Variants in PEPD observed in about 807,000 individuals in gnomAD.
The protein encoded by PEPD is xaa-Pro dipeptidase.
Under a neutral mutation model 60.7 loss-of-function variants are expected in PEPD, and 53 were observed. The ratio of observed to expected loss-of-function variants is 0.87; its 90% CI spans 0.70 to 1.10. The LOEUF (loss-of-function observed/expected upper bound fraction) is 1.10. Among genes scored for constraint, PEPD ranks in the 50% least tolerant of loss-of-function variants. The probability of loss-of-function intolerance (pLI) is 0.00; values close to 1 mark genes in which losing one functional copy is unlikely to be tolerated. For missense variants in PEPD, 711 were observed against 711.9 expected (o/e 1.00, Z 0.01); for synonymous variants, 267 against 284.1 (o/e 0.94, Z 0.60).
Position 33,490,051 on chromosome 19 carries a change from C to A in PEPD, c.448G>T (p.Val150Phe), listed in dbSNP as rs755007246. 6.2e-7 allele frequency: 1 copy of A among 1,611,478 alleles called. No individual in the cohort carries two copies. Among genetic ancestry groups the A allele is most frequent in the African/African-American group, 1.3e-5 (1 of 74,884 alleles). Residue 150 changes from valine (V) to phenylalanine (F), a missense_variant, in exon 6 of 15, where the codon GTC becomes TTC. Coordinates refer to ENST00000244137, the MANE Select transcript of PEPD (RefSeq NM_000285.4). ...CAGACACTGCCGCTGTCCGTGTTGACGCCACGCTGGGGAGAGAGAACACAG... is the reference window on the plus strand; with the variant it reads ...CAGACACTGCCGCTGTCCGTGTTGAAGCCACGCTGGGGAGAGAGAACACAG... Reference protein sequence around the residue: ...KPSVLLTLRGVNTDSGSVCRE... With the variant: ...KPSVLLTLRGFNTDSGSVCRE...
At chr19:33,502,515 A>AC (rs942382841) in intron 3 of PEPD, among the ~76,000 whole-genome samples, 2 of 151,512 alleles carry the variant, frequency 1.3e-5, no homozygotes, top group Middle Eastern at 3.4e-3. Context: ...CCCTTTGCAA[A>AC]CCCCCCCTTT....
chr19:33,479,710 C>T (rs1338702876), intron 6 of PEPD, among the ~76,000 whole-genome samples: 1 of 152,164 alleles, frequency 6.6e-6, no homozygotes, highest in Non-Finnish European at 1.5e-5. Flanking sequence ...CTGAGGATAA[C>T]AGCCTCCAGC....
In PEPD at chr19:33,463,005, C is replaced by A; in HGVS notation, c.661G>T (p.Glu221Ter). Reference sequence around the variant, plus strand: ...AACATGGTGGCTTACCTTTCCAACTCATATTCTTTCATTCCCACTTTTACA... The same window carrying A: ...AACATGGTGGCTTACCTTTCCAACTAATATTCTTTCATTCCCACTTTTACA... ...KAVKVGMKEY[E>*]LESLFEHYCY... The change falls in exon 9 of 15, where the codon GAG (glutamate) becomes TAG (stop). Residue 221 changes from glutamate (E) to a stop codon, truncating the protein, a stop_gained. Transcript: ENST00000244137. LOFTEE classifies it high-confidence loss of function. The A allele has an allele frequency of 6.3e-7, 1 of 1,597,310 alleles. No homozygotes were observed. Among genetic ancestry groups the A allele is most frequent in the Non-Finnish European group, 8.6e-7 (1 of 1,164,658 alleles).
intron 9 of PEPD, among the ~76,000 whole-genome samples, chr19:33,434,535 C>T (rs1969337917): frequency 6.6e-6 from 1 of 152,080 alleles, no homozygotes; most frequent in African/African-American, 2.4e-5. Flanking sequence ...CTCCACTGCA[C>T]CATCCCTGGC....
At chr19:33,503,252 G>A (rs560074291) in intron 3 of PEPD, among the ~76,000 whole-genome samples, 4 of 152,346 alleles carry the variant, frequency 2.6e-5, no homozygotes, top group Admixed American at 6.5e-5. Flanking sequence ...GAGGGCCCGG[G>A]AGACGCTGGT....
chr19:33,462,923 G>A (rs1289812495), intron 9 of PEPD, 72 bp downstream of exon 9: 2 of 914,570 alleles, frequency 2.2e-6, no homozygotes, highest in African/African-American at 3.2e-5. Context: ...CGTCTCATCT[G>A]TTACTCACTC....
At position 33,387,177 on chromosome 19, in the gene PEPD, G is replaced by T. The variant is rs963708685; in HGVS notation, c.*167C>A. 8 of 721,504 alleles carry T rather than the reference G, an allele frequency of 1.1e-5. No individual in the cohort carries two copies. The highest frequency in any genetic ancestry group is 1.8e-5 in the Non-Finnish European group (8 of 434,736). 44.7% of individuals were successfully genotyped at this position (721,504 alleles called of 1,614,324 possible). A position where few individuals can be genotyped will look rare whatever the true frequency, so the allele number is the denominator to read the frequency against. On this transcript the variant is annotated 3_prime_UTR_variant, in exon 15 of 15. Transcript: ENST00000244137. ...AGCCTGCAAAAGGGTAATTAAAAAA[G>T]TGTTTCCTCCCCGGGAAACAGCACT...
rs1279487088 is a variant in PEPD at position 33,413,568 on chromosome 19, C to T, written c.740+7G>A. ...CACCCCCAGGGGAGCCAGGGTGCCCCGCTTACCTGCCGCAGATGCAGGTGT... is the reference window on the plus strand; with the variant it reads ...CACCCCCAGGGGAGCCAGGGTGCCCTGCTTACCTGCCGCAGATGCAGGTGT... On this transcript the variant is annotated splice_region_variant and intron_variant, in intron 10 of 14. Coordinates refer to ENST00000244137, the MANE Select transcript of PEPD (RefSeq NM_000285.4). The T allele has an allele frequency of 1.4e-5, 21 of 1,549,308 alleles. No homozygotes were observed. Among genetic ancestry groups the T allele is most frequent in the South Asian group, 2.4e-5 (2 of 84,762 alleles).
At chr19:33,438,574 G>A (rs550720862) in intron 9 of PEPD, among the ~76,000 whole-genome samples, 24 of 152,318 alleles carry the variant, frequency 1.6e-4, no homozygotes, top group Non-Finnish European at 2.6e-4. Context: ...GATGGGGGGC[G>A]GGCAGGGTTC....
chr19:33,423,496 G>A (rs1969078601), intron 9 of PEPD, among the ~76,000 whole-genome samples: 1 of 152,212 alleles, frequency 6.6e-6, no homozygotes, highest in African/African-American at 2.4e-5. Context: ...TTGGGGTCCT[G>A]AGCAGCACAC....
chr19:33,474,908 A>G (rs1970188661), intron 7 of PEPD, among the ~76,000 whole-genome samples: 1 of 151,488 alleles, frequency 6.6e-6, no homozygotes, highest in African/African-American at 2.4e-5. Context: ...TGAGCCCAGG[A>G]GGTCAAGGCT....
chr19:33,403,549 G>GC (rs1968550930), intron 11 of PEPD, among the ~76,000 whole-genome samples: 1 of 152,200 alleles, frequency 6.6e-6, no homozygotes, highest in Non-Finnish European at 1.5e-5. Context: ...CTGCCTGTGC[G>GC]CCTGCCTGTG....
At chr19:33,466,768 AAG>A (rs1970024782) in intron 7 of PEPD, among the ~76,000 whole-genome samples, 9 of 148,616 alleles carry the variant, frequency 6.1e-5, no homozygotes, top group Non-Finnish European at 1.4e-4. Flanking sequence ...AAAAAAAAAA[AAG>A]AAATAAAAAT....
chr19:33,422,850 CCATCCATCTCTCTA>C (rs1969057023), intron 9 of PEPD, among the ~76,000 whole-genome samples: 1 of 151,816 alleles, frequency 6.6e-6, no homozygotes, highest in African/African-American at 2.4e-5. Context: ...ATCTATCCAT[CCATCCATCTCTCTA>C]TATCTATCCA....
rs190875237 is a variant in PEPD, at chr19:33,495,189, A to G, written c.394-1852T>C. ...AATTATAAATAACGCTGTGATGAAC[A>G]TCCTCGCATACAAGTATTTCCTTAA... On this transcript the variant is annotated intron_variant, in intron 4 of 14. Transcript: ENST00000244137. 7.9e-4 allele frequency among the ~76,000 whole-genome samples: 121 copies of G among 152,244 alleles called. 1 individual carries two copies. The highest frequency in any genetic ancestry group is 2.7e-3 in the African/African-American group (113 of 41,548).
intron 5 of PEPD, among the ~76,000 whole-genome samples, 155 bp from the exon 6 acceptor site, chr19:33,490,212 C>T (rs758615010): frequency 6.6e-6 from 1 of 152,200 alleles, no homozygotes; most frequent in South Asian, 2.1e-4. Flanking sequence ...TAGCTCCAGG[C>T]CCGGCCCCAA....
At chr19:33,470,705 G>T (rs1970106357) in intron 7 of PEPD, among the ~76,000 whole-genome samples, 1 of 152,162 alleles carries the variant, frequency 6.6e-6, no homozygotes, top group African/African-American at 2.4e-5. Context: ...TTCCACCGAA[G>T]CCAGACAACA....
chr19:33,451,120 G>A (rs1237438802), intron 9 of PEPD, among the ~76,000 whole-genome samples: 1 of 152,172 alleles, frequency 6.6e-6, no homozygotes, highest in Non-Finnish European at 1.5e-5. Context: ...GGGTAGTCAC[G>A]GAGCTGTCAC....
intron 12 of PEPD, among the ~76,000 whole-genome samples, chr19:33,396,776 T>C (rs1291693989): frequency 1.3e-5 from 2 of 151,938 alleles, no homozygotes; most frequent in Non-Finnish European, 2.9e-5. Flanking sequence ...CTCTGGGGCT[T>C]GCAGGCGGAG....
Sources: gnomAD v4.1 joint callset for allele counts (sites outside exome capture counted in the v4.1 genomes callset) on GRCh38, gnomAD v4.1.1 for gene constraint, MANE v1.5 for transcripts, NCBI Gene and HGNC (gene_info 2026-07-23, HGNC 2026-07-21) for gene names.